The following HAL variants were observed in gnomAD, a reference collection of about 807,000 sequenced individuals.
HAL encodes histidine ammonia-lyase, also known as histidase.
HAL carries 85 observed loss-of-function variants against 81.1 expected under a neutral mutation model. The observed-to-expected ratio is 1.05, with a 90% CI of 0.88 to 1.25. HAL has a LOEUF of 1.25. Ranked by LOEUF, HAL falls within the 50% of genes most tolerant of loss-of-function variation. The pLI, the probability that HAL is intolerant of heterozygous loss-of-function variation, is 0.00. For missense variants in HAL, 798 were observed against 836.6 expected (o/e 0.95, Z 0.57); for synonymous variants, 301 against 309.2 (o/e 0.97, Z 0.28).
At position 95,994,972 on chromosome 12, in the gene HAL, G is replaced by T; in HGVS notation, c.269C>A (p.Ser90Tyr). 6.2e-7 allele frequency: 1 copy of T among 1,611,948 alleles called. No homozygotes were observed. The highest frequency in any genetic ancestry group is 1.1e-5 in the South Asian group (1 of 91,014). The change falls in exon 3 of 21, where the codon TCT (serine) becomes TAT (tyrosine). Residue 90 changes from serine to tyrosine, a missense_variant. Coordinates refer to ENST00000261208, the MANE Select transcript of HAL (RefSeq NM_002108.4). ...VEVVIEGDAM[S>Y]PDFIPSQPEG... is the part of the protein sequence containing the mutation. ...TGGTTGAGATGGAATGAAGTCAGGA[G>T]ACATGGCATCACCCTCTATAACTAA...
chr12:95,985,003 T>C (rs779902367), intron 14 of HAL, among the ~76,000 whole-genome samples: 54 of 152,210 alleles, frequency 3.5e-4, no homozygotes, highest in Non-Finnish European at 5.4e-4. Flanking sequence ...CTGTCATATG[T>C]AAATTACACA....
chr12:95,984,595 G>A (rs1403436664), intron 14 of HAL, among the ~76,000 whole-genome samples: 1 of 152,188 alleles, frequency 6.6e-6, no homozygotes, highest in Non-Finnish European at 1.5e-5. Flanking sequence ...CAGAAGTCAA[G>A]GAAGTAATTA....
At position 95,973,919 on chromosome 12, in the gene HAL, A is replaced by T. The variant is rs1286587486; in HGVS notation, c.*313T>A. On this transcript the variant is annotated 3_prime_UTR_variant, in exon 21 of 21. Coordinates refer to ENST00000261208, the MANE Select transcript of HAL (RefSeq NM_002108.4). ...TTGAATTCATCTAATGCTAAGAGTA[A>T]AAAACAGGCACATACAATTGTGGTT... 3 of 287,010 alleles carry T rather than the reference A, an allele frequency of 1.0e-5. No individual in the cohort carries two copies. Among genetic ancestry groups the T allele is most frequent in the Non-Finnish European group, 1.3e-5 (2 of 153,314 alleles). The allele number at this position is 287,010 out of a possible 1,614,324, so 17.8% of individuals were successfully genotyped here. A position where few individuals can be genotyped will look rare whatever the true frequency, so the allele number is the denominator to read the frequency against.
In HAL at chr12:95,987,208, C is replaced by T. The variant is rs530178312; in HGVS notation, c.910G>A (p.Ala304Thr). 4.3e-6 allele frequency: 7 copies of T among 1,613,530 alleles called. No individual in the cohort carries two copies. Among genetic ancestry groups the T allele is most frequent in the Non-Finnish European group, 5.9e-6 (7 of 1,179,564 alleles). The stretch of plus-strand genomic sequence containing the variant: ...ATCATCTGCGTCCCATTGATGAGTG[C>T]CAGGCCCTGTCGGGGGAGAGAGCAA... The part of the protein sequence containing the change: ...PVILKPKEGL[A>T]LINGTQMITS... Residue 304 changes from alanine (A) to threonine (T), a missense_variant, in exon 12 of 21, where the codon GCA (alanine) becomes ACA (threonine). Physicochemically the swap from Ala to Thr is moderately conservative, Grantham distance 58. Coordinates refer to ENST00000261208, the MANE Select transcript of HAL (RefSeq NM_002108.4).
chr12:95,988,025 C>T (rs1949917180), intron 11 of HAL, among the ~76,000 whole-genome samples, 168 bp downstream of exon 11: 1 of 152,154 alleles, frequency 6.6e-6, no homozygotes, highest in Non-Finnish European at 1.5e-5. Context: ...CCATGCCTGG[C>T]ATAAAGAATC....
intron 10 of HAL, among the ~76,000 whole-genome samples, chr12:95,988,929 A>G (rs1245481644): frequency 1.3e-5 from 2 of 152,194 alleles, no homozygotes; most frequent in African/African-American, 4.8e-5. Context: ...TACTACGTCA[A>G]TTTCACAGAT....
In HAL at chr12:95,995,948, G is replaced by A. The variant is rs116011640; in HGVS notation, c.-38C>T. 2.2e-3 allele frequency: 3,593 copies of A among 1,598,616 alleles called. 81 individuals carry two copies. In the African/African-American group the frequency reaches 0.043, roughly 19 times the overall value. Reference sequence around the variant, plus strand: ...GCCTGAGGTCCTCAGCTGGTCACAGGAGGGGAGAGCTTTATGCAGGAGTGG... The same window carrying A: ...GCCTGAGGTCCTCAGCTGGTCACAGAAGGGGAGAGCTTTATGCAGGAGTGG... On this transcript the variant is annotated 5_prime_UTR_variant, in exon 2 of 21. Transcript: ENST00000261208.
chr12:95,990,292 T>G (rs143640941), intron 10 of HAL, 101 bp downstream of exon 10: 6 of 944,044 alleles, frequency 6.4e-6, no homozygotes, highest in African/African-American at 1.6e-5. Flanking sequence ...AGGAGCTCCC[T>G]CACTGGGCTG....
chr12:95,991,993 C>G (rs111272612), intron 9 of HAL, among the ~76,000 whole-genome samples: 15 of 152,186 alleles, frequency 9.9e-5, no homozygotes, highest in African/African-American at 3.6e-4. Context: ...ACTGCTTCTC[C>G]TCCCTCTCCT....
At position 95,976,652 on chromosome 12, in the gene HAL, A is replaced by G. The variant is rs1565984557; in HGVS notation, c.1709T>C (p.Leu570Pro). The change falls in exon 19 of 21, where the codon CTG (leucine) becomes CCG (proline). Residue 570 changes from leucine (L) to proline (P), a missense_variant. Coordinates refer to ENST00000261208, the MANE Select transcript of HAL (RefSeq NM_002108.4). The part of the protein sequence containing the change: ...ACQGIEFLRP[L>P]KTTTPLEKVY... ...CTTCTCCAGCGGAGTGGTTGTTTTC[A>G]GGGGACGTAGAAACTCTATGCCCTG... 6.2e-7 allele frequency: 1 copy of G among 1,613,548 alleles called. No homozygotes were observed. The highest frequency in any genetic ancestry group is 8.5e-7 in the Non-Finnish European group (1 of 1,179,442).
chr12:95,991,543 T>C (rs1219755521), intron 9 of HAL, among the ~76,000 whole-genome samples: 2 of 152,168 alleles, frequency 1.3e-5, no homozygotes, highest in African/African-American at 4.8e-5. Flanking sequence ...ACACGTGCCA[T>C]TTTCTAAGAA....
rs761045759 is a variant in HAL at position 95,978,026 on chromosome 12, G to A, written c.1572C>T (p.Thr524=). The change falls in exon 18 of 21, where the codon ACC becomes ACT. Residue 524 remains threonine, a synonymous_variant. Transcript: ENST00000261208. ...AGACGTGGTCCTCCGTGGCTGCGCT[G>A]GTGGAGAGGGAGTCAACAGACGAGG... ...CHPSSVDSLS[T]SAATEDHVSM... 6 of 1,613,378 alleles carry A rather than the reference G, an allele frequency of 3.7e-6. No individual in the cohort carries two copies. The highest frequency in any genetic ancestry group is 2.5e-6 in the Non-Finnish European group (3 of 1,179,260).
intron 17 of HAL, among the ~76,000 whole-genome samples, chr12:95,979,343 C>G (rs7137420): frequency 0.83 from 126,933 of 152,234 alleles, 53,110 homozygotes; most frequent in East Asian, 0.95. Context: ...TATTTGTGTT[C>G]GTTGGGAATA....
rs1482939830 is a variant in HAL at position 95,990,494 on chromosome 12, C to T, written c.754G>A (p.Gly252Ser). ...AGTGGGGCAAGGTCTCCACTGGCAC[C>T]AACGGTTCCTTTCTCTGGGACATAG... ...LPYVPEKGTV[G>S]ASGDLAPLSH... The change falls in exon 10 of 21, where the codon GGT (glycine) becomes AGT (serine). Residue 252 changes from glycine to serine, a missense_variant. Gly to Ser is a moderately conservative substitution (Grantham distance 56). Transcript: ENST00000261208. 1.2e-6 allele frequency: 2 copies of T among 1,613,192 alleles called. No homozygotes were observed. Among genetic ancestry groups the T allele is most frequent in the Non-Finnish European group, 1.7e-6 (2 of 1,179,248 alleles).
chr12:95,976,245 C>T, intron 20 of HAL, 184 bp downstream of exon 20: 2 of 666,266 alleles, frequency 3.0e-6, no homozygotes, highest in Non-Finnish European at 5.5e-6. Context: ...TTGGCTGCAC[C>T]CTGGTGCACT....
chr12:95,987,372 A>C (rs148858817), intron 11 of HAL, among the ~76,000 whole-genome samples, 158 bp from the exon 12 acceptor site: 2 of 152,336 alleles, frequency 1.3e-5, no homozygotes, highest in Admixed American at 6.5e-5. Flanking sequence ...AGTAATGTTT[A>C]TTTAAGCCCT....
At position 95,986,171 on chromosome 12, in the gene HAL, T is replaced by C; in HGVS notation, c.1052-11A>G. 1 of 1,477,250 alleles carries C rather than the reference T, an allele frequency of 6.8e-7. No individual in the cohort carries two copies. The highest frequency in any genetic ancestry group is 1.1e-5 in the South Asian group (1 of 88,460). 91.5% of individuals were successfully genotyped at this position (1,477,250 alleles called of 1,614,324 possible). A position where few individuals can be genotyped will look rare whatever the true frequency, so the allele number is the denominator to read the frequency against. On this transcript the variant is annotated splice_polypyrimidine_tract_variant and intron_variant, in intron 12 of 20. Transcript: ENST00000261208. ...GAAGAGCATGAATGTCTAGAATTGA[T>C]GAAGGAGAAAAAGTCTGAATAATTC... is the stretch of plus-strand genomic sequence containing the variant.
In HAL at chr12:95,995,767, C is replaced by T. The variant is rs758513871; in HGVS notation, c.144G>A (p.Val48=). 4 of 1,613,760 alleles carry T rather than the reference C, an allele frequency of 2.5e-6. No homozygotes were observed. In the South Asian group the frequency reaches 3.3e-5, roughly 13 times the overall value. Reference sequence around the variant, plus strand: ...GGCGCACAAGGAAGTGCGCGTCATCCACGGAGGTGAAGCCACCATTGTCGG... The same window carrying T: ...GGCGCACAAGGAAGTGCGCGTCATCTACGGAGGTGAAGCCACCATTGTCGG... The part of the protein sequence containing the change: ...NKPDNGGFTS[V]DDAHFLVRRC... The change falls in exon 2 of 21, where the codon GTG becomes GTA. Residue 48 remains valine (V), a synonymous_variant. Coordinates refer to ENST00000261208, the MANE Select transcript of HAL (RefSeq NM_002108.4).
chr12:95,986,854 C>T (rs976083389), intron 12 of HAL, among the ~76,000 whole-genome samples: 1 of 152,050 alleles, frequency 6.6e-6, no homozygotes, highest in Admixed American at 6.5e-5. Flanking sequence ...ACTCAACTTC[C>T]GGGCTGTGTG....
Sources: gnomAD v4.1 joint callset for allele counts (sites outside exome capture counted in the v4.1 genomes callset) on GRCh38, gnomAD v4.1.1 for gene constraint, MANE v1.5 for transcripts, NCBI Gene and HGNC (gene_info 2026-07-23, HGNC 2026-07-21) for gene names.